The following KLF12 variants were observed in gnomAD, a reference collection of about 807,000 sequenced individuals.
KLF12 encodes the protein KLF transcription factor 12, also known as Krueppel-like factor 12.
In KLF12, 9 loss-of-function variants were observed where a neutral mutation model predicts 37.8. That is an observed-to-expected ratio of 0.24 (90% CI 0.14 to 0.42). The LOEUF (loss-of-function observed/expected upper bound fraction) is 0.42, where lower values mean the gene tolerates loss of function less well. KLF12 is among the 10% of genes least tolerant of loss of function. The probability of loss-of-function intolerance (pLI) is 1.00; values close to 1 mark genes in which losing one functional copy is unlikely to be tolerated. For synonymous variants in KLF12, 208 were observed against 202.1 expected (o/e 1.03, Z -0.25); for missense variants, 411 against 516.0 (o/e 0.80, Z 1.97).
the KLF12 span, among the ~76,000 whole-genome samples, chr13:74,176,409 T>C: frequency 3.9e-5 from 6 of 152,344 alleles, no homozygotes; most frequent in Non-Finnish European, 7.3e-5. Flanking sequence ...AAGACTTCTC[T>C]GTCTAACTTT....
rs1363184456 is a variant in KLF12 at position 73,794,434 on chromosome 13, T to C, written c.806+18718A>G. On this transcript the variant is annotated intron_variant, in intron 5 of 7. Coordinates refer to ENST00000377669, the MANE Select transcript of KLF12 (RefSeq NM_007249.5). ...AAGATTGCGCCACTGCACTCCAGCC[T>C]GGGCGACAGAGCAAGACCCTGTCTC... Among the ~76,000 whole-genome samples the C allele has an allele frequency of 2.6e-5, 4 of 152,344 alleles. No homozygotes were observed. In the South Asian group the frequency reaches 8.3e-4, roughly 32 times the overall value.
chr13:74,248,020 T>G, the KLF12 span, among the ~76,000 whole-genome samples: 1 of 152,188 alleles, frequency 6.6e-6, no homozygotes, highest in African/African-American at 2.4e-5. Flanking sequence ...TATTATGAAC[T>G]TAACTGAGGT....
chr13:73,759,572 GA>G (rs1879413429), intron 6 of KLF12, among the ~76,000 whole-genome samples: 1 of 152,114 alleles, frequency 6.6e-6, no homozygotes, highest in Non-Finnish European at 1.5e-5. Context: ...AGCTTGTAAT[GA>G]ATTAAACATT....
chr13:73,716,252 TATA>T (rs1212948928), intron 6 of KLF12, among the ~76,000 whole-genome samples: 2 of 152,218 alleles, frequency 1.3e-5, no homozygotes, highest in Non-Finnish European at 2.9e-5. Flanking sequence ...AGGATTAGTT[TATA>T]ATGTCAGGTA....
At chr13:74,111,132 G>T (rs534642926) in intron 1 of KLF12, among the ~76,000 whole-genome samples, 2 of 147,866 alleles carry the variant, frequency 1.4e-5, no homozygotes, top group East Asian at 3.9e-4. Context: ...CAGCCTGGGC[G>T]ACAGAGCAAG....
At chr13:73,972,107 T>C (rs562784550) in intron 2 of KLF12, among the ~76,000 whole-genome samples, 1 of 152,266 alleles carries the variant, frequency 6.6e-6, no homozygotes, top group South Asian at 2.1e-4. Flanking sequence ...CTTAAAATTC[T>C]GAAATGCTTT....
chr13:73,830,309 C>G (rs1464643600), intron 4 of KLF12, among the ~76,000 whole-genome samples: 2 of 152,134 alleles, frequency 1.3e-5, no homozygotes, highest in Non-Finnish European at 2.9e-5. Context: ...ACATTTTGGA[C>G]AGCAGGCAAG....
the KLF12 span, among the ~76,000 whole-genome samples, chr13:74,163,482 G>A: frequency 2.3e-4 from 35 of 152,138 alleles, no homozygotes; most frequent in Non-Finnish European, 2.9e-4. Flanking sequence ...GCCAGGCACA[G>A]AAAGACAAAC....
intron 5 of KLF12, among the ~76,000 whole-genome samples, chr13:73,785,566 C>G (rs375691200): frequency 3.9e-5 from 6 of 152,050 alleles, no homozygotes; most frequent in Non-Finnish European, 7.4e-5. Context: ...TTAATACAAA[C>G]TCAACATATC....
chr13:73,938,750 A>G (rs1430466502), intron 3 of KLF12, among the ~76,000 whole-genome samples: 1 of 152,178 alleles, frequency 6.6e-6, no homozygotes, highest in African/African-American at 2.4e-5. Flanking sequence ...CTCTAGGGAA[A>G]AGACTGAGTC....
At chr13:73,728,738 C>G (rs1346007381) in intron 6 of KLF12, among the ~76,000 whole-genome samples, 1 of 152,166 alleles carries the variant, frequency 6.6e-6, no homozygotes, top group Non-Finnish European at 1.5e-5. Context: ...AAATCAGCCT[C>G]GTTTCTGGGG....
intron 3 of KLF12, among the ~76,000 whole-genome samples, chr13:73,846,626 A>C (rs971077002): frequency 6.6e-6 from 1 of 152,194 alleles, no homozygotes; most frequent in African/African-American, 2.4e-5. Context: ...AATTATTAAA[A>C]TACTATGAAA....
chr13:73,823,997 A>T (rs1296431384), intron 4 of KLF12, among the ~76,000 whole-genome samples: 6 of 152,082 alleles, frequency 3.9e-5, no homozygotes, highest in Admixed American at 3.9e-4. Context: ...GGCATGAGCC[A>T]CCGCACTTGG....
At chr13:73,742,597 A>T (rs973685672) in intron 6 of KLF12, among the ~76,000 whole-genome samples, 2 of 152,132 alleles carry the variant, frequency 1.3e-5, no homozygotes, top group Admixed American at 1.3e-4. Context: ...GGCCCCTCCC[A>T]AATCTCATGT....
intron 3 of KLF12, among the ~76,000 whole-genome samples, chr13:73,922,315 G>C (rs943084599): frequency 6.6e-6 from 1 of 151,954 alleles, no homozygotes. Context: ...AGATACTCCT[G>C]GTCATAAACA....
intron 1 of KLF12, among the ~76,000 whole-genome samples, chr13:74,113,704 CACA>C (rs1253831782): frequency 6.6e-6 from 1 of 152,232 alleles, no homozygotes; most frequent in Non-Finnish European, 1.5e-5. Flanking sequence ...TCATGCCTAA[CACA>C]ACATCCTTTC....
intron 5 of KLF12, among the ~76,000 whole-genome samples, chr13:73,774,592 G>A (rs909536478): frequency 3.0e-4 from 46 of 152,094 alleles, no homozygotes; most frequent in African/African-American, 8.4e-4. Flanking sequence ...ATAATTTATC[G>A]GTTTGAATAA....
At chr13:73,952,975 C>T (rs111240450) in intron 2 of KLF12, among the ~76,000 whole-genome samples, 12,560 of 152,122 alleles carry the variant, frequency 0.083, 707 homozygotes, top group Non-Finnish European at 0.12. Context: ...AGCTGTACAG[C>T]CTTTGATGAC....
chr13:73,932,382 C>A (rs1021722218), intron 3 of KLF12, among the ~76,000 whole-genome samples: 2 of 152,176 alleles, frequency 1.3e-5, no homozygotes, highest in Admixed American at 1.3e-4. Flanking sequence ...ATATGATCAC[C>A]TAGTAAGACA....
Sources: gnomAD v4.1 joint callset for allele counts (sites outside exome capture counted in the v4.1 genomes callset) on GRCh38, gnomAD v4.1.1 for gene constraint, MANE v1.5 for transcripts, NCBI Gene and HGNC (gene_info 2026-07-23, HGNC 2026-07-21) for gene names.